The following KLHL1 variants were observed in gnomAD, a reference collection of about 807,000 sequenced individuals.
The protein encoded by KLHL1 is kelch-like protein 1.
A neutral mutation model predicts 77.7 loss-of-function variants in KLHL1; 47 were observed. The observed-to-expected ratio is 0.60, with a 90% CI of 0.48 to 0.77. The LOEUF is 0.77. Among genes scored for constraint, KLHL1 ranks in the 30% least tolerant of loss-of-function variants. The pLI, the probability that KLHL1 is intolerant of heterozygous loss-of-function variation, is 0.00. For missense variants in KLHL1, 925 were observed against 910.8 expected (o/e 1.02, Z -0.20); for synonymous variants, 360 against 325.2 (o/e 1.11, Z -1.15).
chr13:69,772,673 C>A (rs1593814573), intron 7 of KLHL1, among the ~76,000 whole-genome samples: 2 of 152,236 alleles, frequency 1.3e-5, no homozygotes, highest in Admixed American at 6.5e-5. Flanking sequence ...TATTTTCTTA[C>A]ATCTACCGTG....
intron 4 of KLHL1, among the ~76,000 whole-genome samples, chr13:69,914,528 G>C (rs1020650008): frequency 6.6e-6 from 1 of 152,088 alleles, no homozygotes; most frequent in African/African-American, 2.4e-5. Flanking sequence ...CTTGACAGCA[G>C]AATCTGCAGC....
intron 7 of KLHL1, among the ~76,000 whole-genome samples, chr13:69,776,032 T>C (rs1022195769): frequency 1.3e-5 from 2 of 150,852 alleles, no homozygotes; most frequent in Admixed American, 6.6e-5. Flanking sequence ...GGTGGGTGCT[T>C]GTATTCCCAG....
intron 4 of KLHL1, among the ~76,000 whole-genome samples, chr13:69,936,254 TG>T (rs1883185931): frequency 6.6e-6 from 1 of 152,006 alleles, no homozygotes; most frequent in South Asian, 2.1e-4. Flanking sequence ...GAAAAATGCC[TG>T]GGTAGCAGCT....
intron 7 of KLHL1, among the ~76,000 whole-genome samples, chr13:69,796,082 G>C (rs1229802978): frequency 1.3e-5 from 2 of 152,164 alleles, no homozygotes; most frequent in Admixed American, 1.3e-4. Context: ...TTTGAGGACA[G>C]CTTGAGGTCT....
At chr13:70,021,878 T>G (rs1002166046) in intron 1 of KLHL1, among the ~76,000 whole-genome samples, 3 of 152,058 alleles carry the variant, frequency 2.0e-5, no homozygotes, top group Admixed American at 1.3e-4. Flanking sequence ...GGGTTCTTTG[T>G]ATATTTTAAA....
chr13:69,843,692 T>C (rs1017135356), intron 5 of KLHL1, among the ~76,000 whole-genome samples: 6 of 151,800 alleles, frequency 4.0e-5, no homozygotes, highest in African/African-American at 1.4e-4. Flanking sequence ...TGATTTAGGA[T>C]GGCCAAAGTA....
At chr13:70,047,164 T>C (rs1333434342) in intron 1 of KLHL1, among the ~76,000 whole-genome samples, 2 of 151,682 alleles carry the variant, frequency 1.3e-5, no homozygotes, top group Admixed American at 1.3e-4. Flanking sequence ...AATGTGTGCC[T>C]ACATTGAATC....
At chr13:70,037,790 A>C (rs1400615604) in intron 1 of KLHL1, among the ~76,000 whole-genome samples, 1 of 152,104 alleles carries the variant, frequency 6.6e-6, no homozygotes, top group Non-Finnish European at 1.5e-5. Flanking sequence ...TGGGCTTTCT[A>C]ACTTCAATTA....
Position 69,939,370 on chromosome 13 carries a change from TATATATATAC to T in KLHL1, c.1014+660_1014+669del, listed in dbSNP as rs1353555390. Among the ~76,000 whole-genome samples, 48 of 89,276 alleles carry T rather than the reference TATATATATAC, an allele frequency of 5.4e-4. 3 individuals are homozygous for T. The highest frequency in any genetic ancestry group is 2.0e-3 in the African/African-American group (44 of 22,186). 58.6% of individuals were successfully genotyped at this position (89,276 alleles called of 152,430 possible). On this transcript the variant is annotated intron_variant, in intron 4 of 10. Transcript: ENST00000377844. ...ATATATATATATATATATATATATATATATATATACACACACACACGCACACACATACAGG... is the reference window on the plus strand; with the variant it reads ...ATATATATATATATATATATATATATACACACACACGCACACACATACAGG...
chr13:70,008,103 C>A (rs1420555864), intron 1 of KLHL1, among the ~76,000 whole-genome samples: 5 of 151,982 alleles, frequency 3.3e-5, no homozygotes. Flanking sequence ...AGATTTCTAG[C>A]TGCAAATTTT....
intron 1 of KLHL1, among the ~76,000 whole-genome samples, chr13:70,049,064 T>G (rs1817919670): frequency 1.3e-5 from 2 of 152,224 alleles, no homozygotes; most frequent in African/African-American, 4.8e-5. Context: ...CTATCTTTAG[T>G]ACTAATAATA....
intron 6 of KLHL1, among the ~76,000 whole-genome samples, chr13:69,820,670 C>T (rs989110186): frequency 6.6e-6 from 1 of 152,158 alleles, no homozygotes; most frequent in Admixed American, 6.5e-5. Flanking sequence ...CCTTTACTCC[C>T]ACTACAGGGA....
intron 1 of KLHL1, among the ~76,000 whole-genome samples, chr13:70,058,608 T>C (rs1886803181): frequency 6.6e-6 from 1 of 152,112 alleles, no homozygotes; most frequent in Admixed American, 6.5e-5. Context: ...TGTCCATGGA[T>C]TGGAAGAATT....
chr13:70,020,015 C>T (rs756092901), intron 1 of KLHL1, among the ~76,000 whole-genome samples: 9 of 152,070 alleles, frequency 5.9e-5, no homozygotes, highest in Non-Finnish European at 7.4e-5. Flanking sequence ...CCTTCTGTCA[C>T]GTGAGGAAGC....
intron 1 of KLHL1, among the ~76,000 whole-genome samples, chr13:70,024,805 T>C (rs879415922): frequency 6.6e-6 from 1 of 151,912 alleles, no homozygotes; most frequent in African/African-American, 2.4e-5. Context: ...TCAAGAAAGT[T>C]GAGGAGCTGC....
intron 1 of KLHL1, among the ~76,000 whole-genome samples, chr13:70,048,042 G>A (rs1232686934): frequency 6.6e-6 from 1 of 152,140 alleles, no homozygotes; most frequent in Non-Finnish European, 1.5e-5. Context: ...TGTGCGTAAG[G>A]GGGTGGGACT....
At chr13:69,779,332 C>T (rs1876006393) in intron 7 of KLHL1, among the ~76,000 whole-genome samples, 1 of 148,550 alleles carries the variant, frequency 6.7e-6, no homozygotes, top group African/African-American at 2.5e-5. Flanking sequence ...AAAAGGTCTT[C>T]CTTCCTTCCT....
At chr13:69,993,062 T>C (rs1413385280) in intron 1 of KLHL1, among the ~76,000 whole-genome samples, 2 of 152,024 alleles carry the variant, frequency 1.3e-5, no homozygotes, top group Admixed American at 1.3e-4. Flanking sequence ...ACTAACACTA[T>C]TTATTTGCCT....
At chr13:69,937,877 C>T (rs1409055689) in intron 4 of KLHL1, among the ~76,000 whole-genome samples, 1 of 152,162 alleles carries the variant, frequency 6.6e-6, no homozygotes, top group African/African-American at 2.4e-5. Flanking sequence ...ATCAAGTTTA[C>T]ATCTAAAGAG....
Sources: allele counts gnomAD v4.1 joint callset (sites outside exome capture counted in the v4.1 genomes callset), GRCh38; gene constraint gnomAD v4.1.1; transcripts MANE v1.5; gene names NCBI Gene and HGNC (gene_info 2026-07-23, HGNC 2026-07-21).